Variants in MIPEP observed in about 807,000 individuals in gnomAD.
The protein encoded by MIPEP is mitochondrial intermediate peptidase.
A neutral mutation model predicts 90.3 loss-of-function variants in MIPEP; 79 were observed. The ratio of observed to expected loss-of-function variants is 0.87; its 90% CI spans 0.73 to 1.05. The LOEUF (loss-of-function observed/expected upper bound fraction) is 1.05, where lower values mean the gene tolerates loss of function less well. MIPEP is among the 50% of genes least tolerant of loss of function. MIPEP has a pLI of 0.00. For missense variants in MIPEP, 940 were observed against 905.6 expected, an observed-to-expected ratio of 1.04 and a Z score of -0.49; for synonymous variants, 334 against 315.8, an observed-to-expected ratio of 1.06 and a Z score of -0.61.
intron 16 of MIPEP, among the ~76,000 whole-genome samples, chr13:23,782,942 T>A (rs148955718): frequency 4.3e-4 from 65 of 151,872 alleles, no homozygotes; most frequent in African/African-American, 1.6e-3. Flanking sequence ...AATAACAGGC[T>A]CTGAAATTGA....
At position 23,760,122 on chromosome 13, in the gene MIPEP, C is replaced by G. The variant is rs755280433; in HGVS notation, c.1944G>C (p.Glu648Asp). Reference protein sequence around the residue: ...SRAVASMVWKECFLQDPFNRA... With the variant: ...SRAVASMVWKDCFLQDPFNRA... ...TGTTGAAAGGATCCTGTAGAAAACA[C>G]TCCTTCCAAACCATGGAGGCGACCG... is the stretch of plus-strand genomic sequence containing the variant. The change falls in exon 17 of 19, where the codon GAG becomes GAC. Residue 648 changes from glutamate (E) to aspartate (D), a missense_variant. By Grantham distance (45) the Glu-to-Asp change is conservative (BLOSUM62 2). Transcript: ENST00000382172. 35 of 1,614,054 alleles carry G rather than the reference C, an allele frequency of 2.2e-5. No individual in the cohort carries two copies. Among genetic ancestry groups the G allele is most frequent in the African/African-American group, 4.0e-5 (3 of 74,934 alleles).
Position 23,881,815 on chromosome 13 carries a change from A to C in MIPEP, c.364-28T>G, listed in dbSNP as rs550036694. The C allele has an allele frequency of 1.9e-5, 30 of 1,556,732 alleles. No homozygotes were observed. In the East Asian group the frequency reaches 2.9e-4, roughly 15 times the overall value. ...AATAAAGGGGAAAGACAAAACCAAA[A>C]GGGAATTTGATGAGAAGCTTTCTTC... is the stretch of plus-strand genomic sequence containing the variant. On this transcript the variant is annotated intron_variant, in intron 2 of 18. Coordinates refer to ENST00000382172, the MANE Select transcript of MIPEP (RefSeq NM_005932.4).
intron 18 of MIPEP, among the ~76,000 whole-genome samples, chr13:23,751,356 G>A (rs1017293869): frequency 6.6e-6 from 1 of 152,178 alleles, no homozygotes; most frequent in Non-Finnish European, 1.5e-5. Context: ...AAGGCCCTGC[G>A]GGCTTCTAGA....
intron 5 of MIPEP, among the ~76,000 whole-genome samples, chr13:23,873,411 C>T (rs1870921138): frequency 6.6e-6 from 1 of 152,200 alleles, no homozygotes; most frequent in African/African-American, 2.4e-5. Flanking sequence ...AGGATGGTGA[C>T]ATGCTGGCCA....
intron 8 of MIPEP, among the ~76,000 whole-genome samples, chr13:23,863,774 T>C (rs1420872933): frequency 1.3e-5 from 2 of 152,138 alleles, no homozygotes; most frequent in Non-Finnish European, 2.9e-5. Context: ...AGACACCACA[T>C]CCATGAGCCT....
intron 10 of MIPEP, among the ~76,000 whole-genome samples, chr13:23,852,813 A>T (rs1193729692): frequency 6.6e-6 from 1 of 152,220 alleles, no homozygotes. Context: ...TGGCAGCTCC[A>T]TGCCTGTTAT....
chr13:23,760,447 G>A (rs1952529637), intron 16 of MIPEP: 1 of 709,526 alleles, frequency 1.4e-6, no homozygotes. Context: ...CCATACCTCA[G>A]AATGTGACTT....
At chr13:23,846,826 AATG>A (rs10549277) in intron 10 of MIPEP, among the ~76,000 whole-genome samples, 118,954 of 144,498 alleles carry the variant, frequency 0.82, 46,928 homozygotes, top group East Asian at 0.91. Flanking sequence ...ATCACTACCA[AATG>A]ATGATGATGA....
intron 16 of MIPEP, among the ~76,000 whole-genome samples, chr13:23,775,133 G>A (rs71425109): frequency 0.29 from 44,292 of 150,378 alleles, 6,807 homozygotes; most frequent in South Asian, 0.46. Flanking sequence ...GTGTGTGTGT[G>A]TGTGTGTGTG....
chr13:23,835,482 GCTTT>G (rs1166869868), intron 14 of MIPEP, among the ~76,000 whole-genome samples: 1 of 152,094 alleles, frequency 6.6e-6, no homozygotes, highest in Non-Finnish European at 1.5e-5. Context: ...TTCTTTCAGT[GCTTT>G]TTTTTGATTC....
chr13:23,875,474 T>C (rs747881195), intron 4 of MIPEP, among the ~76,000 whole-genome samples: 3 of 152,052 alleles, frequency 2.0e-5, no homozygotes, highest in Non-Finnish European at 4.4e-5. Flanking sequence ...TAATGAGAAT[T>C]GTTTTCTTTC....
At chr13:23,836,473 A>G in intron 13 of MIPEP, 124 bp from the exon 14 acceptor site, 1 of 485,276 alleles carries the variant, frequency 2.1e-6, no homozygotes, top group Non-Finnish European at 3.5e-6. Context: ...CATTAAATCA[A>G]TATTTTTCTT....
chr13:23,756,897 CT>C, intron 17 of MIPEP: 1 of 421,056 alleles, frequency 2.4e-6, no homozygotes, highest in South Asian at 3.1e-5. Flanking sequence ...AAATAATTAA[CT>C]TATGTATTAT....
chr13:23,801,080 A>G (rs1203100258), intron 16 of MIPEP, among the ~76,000 whole-genome samples: 1 of 152,156 alleles, frequency 6.6e-6, no homozygotes, highest in Non-Finnish European at 1.5e-5. Context: ...CGTTGCTTAT[A>G]TTTTCCTTTT....
intron 16 of MIPEP, among the ~76,000 whole-genome samples, chr13:23,796,968 A>G (rs1952969778): frequency 2.0e-5 from 3 of 152,222 alleles, no homozygotes; most frequent in Admixed American, 2.0e-4. Context: ...CAAATGTTCT[A>G]TAAGTGATGT....
At chr13:23,817,494 G>C (rs1412245906) in intron 14 of MIPEP, among the ~76,000 whole-genome samples, 1 of 152,054 alleles carries the variant, frequency 6.6e-6, no homozygotes, top group African/African-American at 2.4e-5. Flanking sequence ...ATGGAGTTGA[G>C]CAGAATCTCT....
chr13:23,853,677 C>T (rs936414315), intron 10 of MIPEP, among the ~76,000 whole-genome samples: 10 of 152,076 alleles, frequency 6.6e-5, no homozygotes, highest in Non-Finnish European at 1.2e-4. Context: ...TCTCCTGCCT[C>T]AGCCTCCCAA....
chr13:23,839,598 A>T, intron 12 of MIPEP, 51 bp downstream of exon 12: 1 of 1,261,534 alleles, frequency 7.9e-7, no homozygotes, highest in Non-Finnish European at 1.1e-6. Flanking sequence ...CATCAATACA[A>T]ATGAAATGCC....
At chr13:23,779,179 C>G (rs562615963) in intron 16 of MIPEP, among the ~76,000 whole-genome samples, 1 of 152,130 alleles carries the variant, frequency 6.6e-6, no homozygotes, top group African/African-American at 2.4e-5. Context: ...TTTGAAAGTT[C>G]AAGCCATTGA....
Sources: allele counts gnomAD v4.1 joint callset (sites outside exome capture counted in the v4.1 genomes callset), GRCh38; gene constraint gnomAD v4.1.1; transcripts MANE v1.5; gene names NCBI Gene and HGNC (gene_info 2026-07-23, HGNC 2026-07-21).